The following NKAIN2 variants were observed in gnomAD, a reference collection of about 807,000 sequenced individuals.
NKAIN2 encodes the protein sodium/potassium transporting ATPase interacting 2.
Under a neutral mutation model 32.6 loss-of-function variants are expected in NKAIN2, and 14 were observed. The ratio of observed to expected loss-of-function variants is 0.43; its 90% CI spans 0.28 to 0.67. The LOEUF (loss-of-function observed/expected upper bound fraction) is 0.67, where lower values mean the gene tolerates loss of function less well. NKAIN2 is among the 30% of genes least tolerant of loss of function. The pLI is 0.17. For synonymous variants in NKAIN2, 80 were observed against 87.2 expected, an observed-to-expected ratio of 0.92 and a Z score of 0.46; for missense variants, 198 against 258.3, an observed-to-expected ratio of 0.77 and a Z score of 1.60.
intron 1 of NKAIN2, among the ~76,000 whole-genome samples, chr6:123,806,474 A>G (rs2114851238): frequency 6.6e-6 from 1 of 152,200 alleles, no homozygotes; most frequent in Admixed American, 6.5e-5. Flanking sequence ...TTTTGGAAAT[A>G]CGGTATTTGA....
chr6:124,811,105 C>G (rs1426352001), intron 5 of NKAIN2, among the ~76,000 whole-genome samples: 3 of 152,116 alleles, frequency 2.0e-5, no homozygotes, highest in African/African-American at 7.2e-5. Context: ...GCTAAGTACC[C>G]TTGGAATTCA....
chr6:124,658,497 T>C (rs751047783), intron 4 of NKAIN2, 111 bp downstream of exon 4: 2 of 1,543,358 alleles, frequency 1.3e-6, no homozygotes, highest in Non-Finnish European at 1.7e-6. Context: ...CCTTTTTGCT[T>C]TTTCCTCATT....
chr6:124,539,275 C>T (rs1218062680), intron 3 of NKAIN2, among the ~76,000 whole-genome samples: 1 of 152,138 alleles, frequency 6.6e-6, no homozygotes, highest in African/African-American at 2.4e-5. Flanking sequence ...AATATTATCA[C>T]TTCTCTAATT....
At chr6:124,686,646 C>A (rs1440718493) in intron 4 of NKAIN2, among the ~76,000 whole-genome samples, 2 of 152,144 alleles carry the variant, frequency 1.3e-5, no homozygotes, top group Non-Finnish European at 2.9e-5. Flanking sequence ...GGATACAGAT[C>A]CAAACCATAT....
In NKAIN2 at chr6:124,759,638, CACACACACACACACACA is replaced by C. The variant is rs1225031037; in HGVS notation, c.475-31700_475-31684del. On this transcript the variant is annotated intron_variant, in intron 4 of 6. Transcript: ENST00000368417. Reference sequence around the variant, plus strand: ...ACACACACACACACACACACACACACACACACACACACACACACCCCCTATCTCCCTTTCCTGCCTTA... The same window carrying C: ...ACACACACACACACACACACACACACCCCCCTATCTCCCTTTCCTGCCTTA... Among the ~76,000 whole-genome samples the C allele has an allele frequency of 2.3e-3, 311 of 133,968 alleles. 4 individuals are homozygous for C. The highest frequency in any genetic ancestry group is 9.2e-3 in the South Asian group (36 of 3,904). 87.9% of individuals were successfully genotyped at this position (133,968 alleles called of 152,430 possible).
At chr6:124,334,510 T>A (rs1797788449) in intron 2 of NKAIN2, among the ~76,000 whole-genome samples, 2 of 150,462 alleles carry the variant, frequency 1.3e-5, no homozygotes, top group Admixed American at 1.3e-4. Flanking sequence ...TACTGATTGG[T>A]CAGGCTGTAG....
At chr6:124,668,589 T>C (rs1444173132) in intron 4 of NKAIN2, among the ~76,000 whole-genome samples, 1 of 152,172 alleles carries the variant, frequency 6.6e-6, no homozygotes, top group African/African-American at 2.4e-5. Flanking sequence ...TCATACGCAT[T>C]CTAATTTCAT....
chr6:124,658,251 A>G lies in NKAIN2; in HGVS notation c.339A>G (p.Pro113=). The G allele has an allele frequency of 3.7e-6, 6 of 1,614,130 alleles. No homozygotes were observed. The highest frequency in any genetic ancestry group is 5.1e-6 in the Non-Finnish European group (6 of 1,180,002). Residue 113 remains proline, a synonymous_variant, in exon 4 of 7, where the codon CCA becomes CCG. Coordinates refer to ENST00000368417, the MANE Select transcript of NKAIN2 (RefSeq NM_001040214.3). ...GATCTTGGTGGATGGAGAATGGACC[A>G]GGATGTACGGTGACGTCAGTGACAC... The part of the protein sequence containing the change: ...MHRSWWMENG[P]GCTVTSVTPA...
At chr6:123,954,804 C>T (rs1022931579) in intron 1 of NKAIN2, among the ~76,000 whole-genome samples, 3 of 152,132 alleles carry the variant, frequency 2.0e-5, no homozygotes, top group African/African-American at 7.2e-5. Flanking sequence ...CTTTGCTGAC[C>T]TTCAGCTCAG....
intron 4 of NKAIN2, among the ~76,000 whole-genome samples, chr6:124,707,433 T>G (rs1319938515): frequency 2.0e-5 from 3 of 150,694 alleles, no homozygotes; most frequent in South Asian, 2.1e-4. Context: ...TCCACAATGG[T>G]TGAACTAGTT....
chr6:124,355,540 C>T (rs17051698), intron 3 of NKAIN2, among the ~76,000 whole-genome samples, 193 bp downstream of exon 3: 3 of 89,390 alleles, frequency 3.4e-5, no homozygotes, highest in Admixed American at 1.3e-4. Flanking sequence ...TGTACTTTTT[C>T]TTAAGCAAAA....
Position 124,719,054 on chromosome 6 carries a change from T to G in NKAIN2, c.474+60668T>G, listed in dbSNP as rs139049376. 3.7e-3 allele frequency among the ~76,000 whole-genome samples: 566 copies of G among 152,294 alleles called. 2 individuals are homozygous for G. Among genetic ancestry groups the G allele is most frequent in the Middle Eastern group, 0.01 (3 of 294 alleles). On this transcript the variant is annotated intron_variant, in intron 4 of 6. Coordinates refer to ENST00000368417, the MANE Select transcript of NKAIN2 (RefSeq NM_001040214.3). ...GTTTAAATGTAATTTTTATTGAGTT[T>G]TTCTGTCTGCTAATTTATTGATATA... is the stretch of plus-strand genomic sequence containing the variant.
At chr6:124,392,702 TCTTC>T (rs1015871367) in intron 3 of NKAIN2, among the ~76,000 whole-genome samples, 1 of 152,314 alleles carries the variant, frequency 6.6e-6, no homozygotes, top group African/African-American at 2.4e-5. Context: ...AAAATACAAT[TCTTC>T]CTTCTATTGA....
chr6:124,064,401 C>G (rs940596748), intron 1 of NKAIN2, among the ~76,000 whole-genome samples: 1 of 151,916 alleles, frequency 6.6e-6, no homozygotes, highest in Non-Finnish European at 1.5e-5. Flanking sequence ...ACAATTTTTA[C>G]CTTGTATTCT....
At chr6:124,154,134 C>G (rs1269493805) in intron 1 of NKAIN2, among the ~76,000 whole-genome samples, 1 of 151,612 alleles carries the variant, frequency 6.6e-6, no homozygotes, top group Non-Finnish European at 1.5e-5. Flanking sequence ...ATTGATTTTT[C>G]AAATGTTAAA....
chr6:124,682,538 A>G (rs1162778415), intron 4 of NKAIN2, among the ~76,000 whole-genome samples: 2 of 152,190 alleles, frequency 1.3e-5, no homozygotes, highest in Non-Finnish European at 2.9e-5. Flanking sequence ...ACAGGATATC[A>G]TTATTTTAAC....
intron 1 of NKAIN2, among the ~76,000 whole-genome samples, chr6:123,939,844 G>A (rs904439772): frequency 1.3e-5 from 2 of 151,644 alleles, no homozygotes; most frequent in African/African-American, 2.4e-5. Context: ...TTGTCCCAGC[G>A]GTGCTCTCCA....
At chr6:124,443,611 A>G (rs1775779434) in intron 3 of NKAIN2, among the ~76,000 whole-genome samples, 2 of 152,106 alleles carry the variant, frequency 1.3e-5, no homozygotes, top group South Asian at 2.1e-4. Flanking sequence ...TAGGACCATT[A>G]TAAGGGTGGC....
At chr6:124,209,070 C>A (rs1791040246) in intron 1 of NKAIN2, among the ~76,000 whole-genome samples, 1 of 151,290 alleles carries the variant, frequency 6.6e-6, no homozygotes, top group South Asian at 2.1e-4. Context: ...TAACCATTCT[C>A]CCTAACTGTA....
Sources: gnomAD v4.1 joint callset for allele counts (sites outside exome capture counted in the v4.1 genomes callset) on GRCh38, gnomAD v4.1.1 for gene constraint, MANE v1.5 for transcripts, NCBI Gene and HGNC (gene_info 2026-07-23, HGNC 2026-07-21) for gene names.